CNTNAP2: variants seen among roughly 807,000 people sequenced by gnomAD.
CNTNAP2 encodes the protein contactin-associated protein-like 2.
CNTNAP2 carries 98 observed loss-of-function variants against 155.2 expected under a neutral mutation model. The ratio of observed to expected loss-of-function variants is 0.63; its 90% CI spans 0.54 to 0.75. The LOEUF is 0.75. CNTNAP2 is among the 30% of genes least tolerant of loss of function. The probability of loss-of-function intolerance (pLI) is 0.00; values close to 1 mark genes in which losing one functional copy is unlikely to be tolerated. For missense variants in CNTNAP2, 1,727 were observed against 1,688.1 expected, an observed-to-expected ratio of 1.02 and a Z score of -0.40; for synonymous variants, 651 against 631.2, an observed-to-expected ratio of 1.03 and a Z score of -0.47.
At chr7:147,143,944 A>C (rs1038651372) in intron 8 of CNTNAP2, among the ~76,000 whole-genome samples, 5 of 152,194 alleles carry the variant, frequency 3.3e-5, no homozygotes, top group African/African-American at 1.2e-4. Flanking sequence ...CAGAATACAA[A>C]ATATAAATGT....
At chr7:146,184,728 A>C (rs1798598571) in intron 1 of CNTNAP2, among the ~76,000 whole-genome samples, 1 of 152,288 alleles carries the variant, frequency 6.6e-6, no homozygotes, top group South Asian at 2.1e-4. Flanking sequence ...CTCAAAGGAT[A>C]ATCTAGTTAT....
intron 14 of CNTNAP2, among the ~76,000 whole-genome samples, chr7:147,923,837 A>G (rs972658350): frequency 5.9e-5 from 9 of 152,080 alleles, no homozygotes; most frequent in Non-Finnish European, 1.0e-4. Context: ...AGCCTCCTAG[A>G]GCCTTCAGAA....
At chr7:147,880,352 C>T (rs1456501726) in intron 13 of CNTNAP2, among the ~76,000 whole-genome samples, 1 of 152,150 alleles carries the variant, frequency 6.6e-6, no homozygotes, top group African/African-American at 2.4e-5. Context: ...CAAAAAGTGA[C>T]CACATGTAGA....
chr7:146,794,370 T>C (rs1292628986), intron 2 of CNTNAP2, among the ~76,000 whole-genome samples: 2 of 152,210 alleles, frequency 1.3e-5, no homozygotes, highest in African/African-American at 2.4e-5. Context: ...GATTGATGAT[T>C]AGAAGTTGAT....
chr7:146,931,873 C>G (rs1796767019), intron 3 of CNTNAP2, among the ~76,000 whole-genome samples: 1 of 152,180 alleles, frequency 6.6e-6, no homozygotes, highest in Non-Finnish European at 1.5e-5. Flanking sequence ...TACACCCTCC[C>G]AAGACTAATC....
chr7:147,878,869 G>A (rs2708239), intron 13 of CNTNAP2, among the ~76,000 whole-genome samples: 86,644 of 152,024 alleles, frequency 0.57, 25,274 homozygotes, highest in African/African-American at 0.69. Flanking sequence ...ATTTAGTATT[G>A]TTCTCACCAG....
At chr7:146,625,646 A>G (rs1799406031) in intron 1 of CNTNAP2, among the ~76,000 whole-genome samples, 1 of 152,072 alleles carries the variant, frequency 6.6e-6, no homozygotes, top group African/African-American at 2.4e-5. Context: ...AATTGAAAGA[A>G]AAGACTGGCA....
intron 16 of CNTNAP2, among the ~76,000 whole-genome samples, chr7:148,135,435 C>T (rs1226411196): frequency 6.6e-6 from 1 of 152,206 alleles, no homozygotes; most frequent in Non-Finnish European, 1.5e-5. Context: ...CTTCTGGTTG[C>T]TCATTCCCAA....
intron 3 of CNTNAP2, among the ~76,000 whole-genome samples, chr7:147,008,867 T>G (rs1263384435): frequency 6.6e-6 from 1 of 151,968 alleles, no homozygotes; most frequent in African/African-American, 2.4e-5. Context: ...ATACAAAAAT[T>G]GAGAAAGAGG....
intron 12 of CNTNAP2, among the ~76,000 whole-genome samples, chr7:147,627,691 CAAAAAA>C (rs138424007): frequency 9.8e-5 from 7 of 71,714 alleles, no homozygotes; most frequent in East Asian, 6.7e-4. Context: ...GACTCTGTCT[CAAAAAA>C]AAAAAAAAAA....
At chr7:148,312,282 A>G (rs146948584) in intron 21 of CNTNAP2, among the ~76,000 whole-genome samples, 3,052 of 152,186 alleles carry the variant, frequency 0.02, 30 homozygotes, top group Middle Eastern at 0.048. Flanking sequence ...TGTAGAAGGG[A>G]TTGGGGTTTG....
At chr7:148,300,833 A>C (rs1208848379) in intron 21 of CNTNAP2, among the ~76,000 whole-genome samples, 2 of 152,212 alleles carry the variant, frequency 1.3e-5, no homozygotes, top group Non-Finnish European at 2.9e-5. Context: ...ATAGACACAG[A>C]AAGTCAGATG....
intron 13 of CNTNAP2, among the ~76,000 whole-genome samples, chr7:147,890,662 G>T (rs1799674403): frequency 6.6e-6 from 1 of 152,148 alleles, no homozygotes; most frequent in Non-Finnish European, 1.5e-5. Context: ...GAACACAGAA[G>T]AACATAGAAT....
intron 1 of CNTNAP2, among the ~76,000 whole-genome samples, chr7:146,726,117 A>G (rs776439050): frequency 1.3e-5 from 2 of 152,186 alleles, no homozygotes; most frequent in African/African-American, 4.8e-5. Context: ...ATTACATTTT[A>G]TATTAATAGG....
chr7:147,656,778 C>T (rs981479237), intron 13 of CNTNAP2, among the ~76,000 whole-genome samples: 1 of 151,806 alleles, frequency 6.6e-6, no homozygotes, highest in Non-Finnish European at 1.5e-5. Context: ...CAAACAACAA[C>T]AAAAAAACCC....
intron 8 of CNTNAP2, among the ~76,000 whole-genome samples, chr7:147,162,584 A>G (rs888584539): frequency 1.3e-5 from 2 of 152,104 alleles, no homozygotes; most frequent in African/African-American, 4.8e-5. Flanking sequence ...TTTACTGCCC[A>G]CTTTATTTTC....
In CNTNAP2 at chr7:146,511,083, A is replaced by G. The variant is rs186305586; in HGVS notation, c.98-263188A>G. Among the ~76,000 whole-genome samples, 602 of 152,098 alleles carry G rather than the reference A, an allele frequency of 4.0e-3. 6 individuals carry two copies. Among genetic ancestry groups the G allele is most frequent in the Middle Eastern group, 0.017 (5 of 292 alleles). ...AGCTAATTTTTGTATTTTTTTTAGTAGAGACAGGGTTTCACCATGTTAGCC... is the reference window on the plus strand; with the variant it reads ...AGCTAATTTTTGTATTTTTTTTAGTGGAGACAGGGTTTCACCATGTTAGCC... On this transcript the variant is annotated intron_variant, in intron 1 of 23. Coordinates refer to ENST00000361727, the MANE Select transcript of CNTNAP2 (RefSeq NM_014141.6).
At chr7:147,300,426 T>G (rs1794925896) in intron 9 of CNTNAP2, 136 bp downstream of exon 9, 1 of 974,090 alleles carries the variant, frequency 1.0e-6, no homozygotes, top group Non-Finnish European at 1.5e-6. Flanking sequence ...GTAATTCCAC[T>G]GAGCAAAACA....
At chr7:147,123,790 T>C (rs1584858289) in intron 6 of CNTNAP2, among the ~76,000 whole-genome samples, 3 of 151,968 alleles carry the variant, frequency 2.0e-5, no homozygotes, top group Non-Finnish European at 4.4e-5. Context: ...CCTGTAATCC[T>C]AGCACTTTGG....
Sources: gnomAD v4.1 joint callset for allele counts (sites outside exome capture counted in the v4.1 genomes callset) on GRCh38, gnomAD v4.1.1 for gene constraint, MANE v1.5 for transcripts, NCBI Gene and HGNC (gene_info 2026-07-23, HGNC 2026-07-21) for gene names.